AGK: variants seen among roughly 807,000 people sequenced by gnomAD.
The protein encoded by AGK is acylglycerol kinase.
AGK carries 52 observed loss-of-function variants against 66.4 expected under a neutral mutation model. That is an observed-to-expected ratio of 0.78 (90% CI 0.63 to 0.99). AGK has a LOEUF of 0.99. Among genes scored for constraint, AGK ranks in the 50% least tolerant of loss-of-function variants. AGK has a pLI of 0.00. For missense variants in AGK, 451 were observed against 506.6 expected (o/e 0.89, Z 1.05); for synonymous variants, 182 against 181.1 (o/e 1.00, Z -0.04).
intron 9 of AGK, among the ~76,000 whole-genome samples, chr7:141,623,851 A>G (rs1445567500): frequency 6.6e-6 from 1 of 152,190 alleles, no homozygotes; most frequent in Non-Finnish European, 1.5e-5. Context: ...AGTTTGGGAC[A>G]GGCTGACTCT....
At chr7:141,651,034 G>A (rs1379307966) in intron 14 of AGK, among the ~76,000 whole-genome samples, 3 of 152,156 alleles carry the variant, frequency 2.0e-5, no homozygotes, top group African/African-American at 2.4e-5. Context: ...TTGAATCCAC[G>A]GGAGTGGGAC....
chr7:141,608,135 T>A (rs1267015750), intron 5 of AGK, among the ~76,000 whole-genome samples: 1 of 152,170 alleles, frequency 6.6e-6, no homozygotes, highest in Non-Finnish European at 1.5e-5. Context: ...ATTTCAAGGT[T>A]TGAAAGCAAG....
At chr7:141,615,597 T>G in intron 8 of AGK, 32 bp downstream of exon 8, 1 of 1,552,132 alleles carries the variant, frequency 6.4e-7, no homozygotes, top group Non-Finnish European at 8.9e-7. Context: ...TTAGCATTTG[T>G]GGGTGAGCGA....
intron 2 of AGK, among the ~76,000 whole-genome samples, chr7:141,586,335 A>T (rs886774203): frequency 6.6e-6 from 1 of 152,196 alleles, no homozygotes; most frequent in Non-Finnish European, 1.5e-5. Context: ...TTGGAGAAAC[A>T]TCCCCGCTCA....
chr7:141,635,274 TAAGA>T lies in AGK; in HGVS notation c.668+1301_668+1304del, dbSNP rs1339950260. ...CCTTCCACAGAGTTGCTGTTTGTATTAAGAAAGAAATGGTAGAGATATGAGAAAT... is the reference window on the plus strand; with the variant it reads ...CCTTCCACAGAGTTGCTGTTTGTATTAAGAAATGGTAGAGATATGAGAAAT... On this transcript the variant is annotated intron_variant, in intron 10 of 15. Coordinates refer to ENST00000649286, the MANE Select transcript of AGK (RefSeq NM_018238.4). Among the ~76,000 whole-genome samples the T allele has an allele frequency of 3.3e-5, 5 of 152,290 alleles. No homozygotes were observed. In the East Asian group the frequency reaches 5.8e-4, roughly 18 times the overall value.
chr7:141,570,135 C>G (rs1795567620), intron 2 of AGK, among the ~76,000 whole-genome samples: 1 of 152,148 alleles, frequency 6.6e-6, no homozygotes, highest in South Asian at 2.1e-4. Context: ...CACCTGTAAT[C>G]CCAACACTTT....
intron 5 of AGK, among the ~76,000 whole-genome samples, chr7:141,604,372 G>GTATATATATATA (rs1436838520): frequency 1.2e-4 from 7 of 58,396 alleles, no homozygotes; most frequent in African/African-American, 3.6e-4. Context: ...GTGTGTGTGT[G>GTATATATATATA]TGTATATATA....
chr7:141,551,642 C>A lies in AGK; in HGVS notation c.-15+208C>A, dbSNP rs112433110. On this transcript the variant is annotated intron_variant, in intron 1 of 15. Transcript: ENST00000649286. ...GGGTAGGGGGTGCGGGCCTGGCCGG[C>A]GCGGCAGGGGAGGGCCTCGCGCGGA... Among the ~76,000 whole-genome samples the A allele has an allele frequency of 4.2e-3, 644 of 152,252 alleles. 6 individuals carry two copies. The highest frequency in any genetic ancestry group is 0.015 in the African/African-American group (609 of 41,554).
intron 2 of AGK, among the ~76,000 whole-genome samples, chr7:141,592,481 G>C (rs1411429295): frequency 6.6e-6 from 1 of 152,166 alleles, no homozygotes; most frequent in Admixed American, 6.5e-5. Context: ...GATGATCCAG[G>C]ACGATCTCCC....
chr7:141,587,012 A>G (rs1796007417), intron 2 of AGK, among the ~76,000 whole-genome samples: 2 of 151,958 alleles, frequency 1.3e-5, no homozygotes, highest in South Asian at 4.2e-4. Context: ...TGGCCTAGAC[A>G]CCTCCACCCG....
chr7:141,586,142 T>C (rs1408033653), intron 2 of AGK, among the ~76,000 whole-genome samples: 1 of 152,188 alleles, frequency 6.6e-6, no homozygotes, highest in Non-Finnish European at 1.5e-5. Context: ...GTGCTTGTGG[T>C]GTGTCAAAAG....
intron 9 of AGK, among the ~76,000 whole-genome samples, chr7:141,628,458 T>G (rs1396087934): frequency 1.3e-5 from 2 of 152,248 alleles, no homozygotes; most frequent in African/African-American, 4.8e-5. Context: ...AGACAAAGCC[T>G]TGTACTATAA....
At chr7:141,607,676 A>C (rs570042387) in intron 5 of AGK, among the ~76,000 whole-genome samples, 1 of 151,698 alleles carries the variant, frequency 6.6e-6, no homozygotes, top group African/African-American at 2.4e-5. Context: ...TCTTTCATGG[A>C]TATTGCTTTT....
intron 14 of AGK, among the ~76,000 whole-genome samples, chr7:141,649,772 T>G (rs1293625253): frequency 6.6e-6 from 1 of 152,274 alleles, no homozygotes; most frequent in Non-Finnish European, 1.5e-5. Context: ...AGAGAATGTG[T>G]GTCAAGCCTT....
intron 2 of AGK, among the ~76,000 whole-genome samples, chr7:141,592,734 C>T (rs915558336): frequency 2.0e-5 from 3 of 151,928 alleles, no homozygotes; most frequent in African/African-American, 2.4e-5. Flanking sequence ...AGCAGAGTCT[C>T]GCTCTGTCGC....
chr7:141,596,460 C>A lies in AGK; in HGVS notation c.142-102C>A. ...GAATATTTTTCCCCAAGGGTAGATA[C>A]CTTATGTGCTGCAAGTACATTTTTT... On this transcript the variant is annotated intron_variant, in intron 3 of 15. Transcript: ENST00000649286. 3.0e-6 allele frequency: 3 copies of A among 993,850 alleles called. No homozygotes were observed. The South Asian group carries it at 4.1e-5, about 14-fold the overall frequency. The allele number at this position is 993,850 out of a possible 1,614,324, so 61.6% of individuals were successfully genotyped here.
chr7:141,625,689 T>C (rs1175800077), intron 9 of AGK, among the ~76,000 whole-genome samples: 3 of 152,170 alleles, frequency 2.0e-5, no homozygotes, highest in Non-Finnish European at 4.4e-5. Flanking sequence ...GATTTTTACC[T>C]GTGTGTATGG....
intron 5 of AGK, among the ~76,000 whole-genome samples, chr7:141,610,059 C>T (rs1160703490): frequency 6.6e-6 from 1 of 151,768 alleles, no homozygotes; most frequent in Non-Finnish European, 1.5e-5. Flanking sequence ...ACCTCCACCT[C>T]CCAGGTTCAA....
intron 2 of AGK, among the ~76,000 whole-genome samples, chr7:141,576,320 C>T (rs1005764780): frequency 6.6e-6 from 1 of 151,954 alleles, no homozygotes; most frequent in Non-Finnish European, 1.5e-5. Context: ...GATTCTTATT[C>T]CTGATGCAGG....
Sources: allele counts gnomAD v4.1 joint callset (sites outside exome capture counted in the v4.1 genomes callset), GRCh38; gene constraint gnomAD v4.1.1; transcripts MANE v1.5; gene names NCBI Gene and HGNC (gene_info 2026-07-23, HGNC 2026-07-21).